THSD4: variants seen among roughly 807,000 people sequenced by gnomAD.
THSD4 encodes thrombospondin type 1 domain containing 4.
A neutral mutation model predicts 119.0 loss-of-function variants in THSD4; 69 were observed. The observed-to-expected ratio is 0.58, with a 90% CI of 0.48 to 0.71. The LOEUF is 0.71. Among genes scored for constraint, THSD4 ranks in the 30% least tolerant of loss-of-function variants. The pLI, the probability that THSD4 is intolerant of heterozygous loss-of-function variation, is 0.00. For synonymous variants in THSD4, 524 were observed against 540.4 expected, an observed-to-expected ratio of 0.97 and a Z score of 0.42; for missense variants, 1,393 against 1,391.1, an observed-to-expected ratio of 1.00 and a Z score of -0.02.
In THSD4 at chr15:71,303,982, G is replaced by A. The variant is rs1018580402; in HGVS notation, c.1015+47267G>A. On this transcript the variant is annotated intron_variant, in intron 6 of 17. Coordinates refer to ENST00000261862, the MANE Select transcript of THSD4 (RefSeq NM_024817.3). ...GGTCCACTCTGGCTATGACCTTCAG[G>A]ATCAGAGGGCAAGAAGTCGAGAAGG... Among the ~76,000 whole-genome samples, 15 of 152,260 alleles carry A rather than the reference G, an allele frequency of 9.9e-5. No homozygotes were observed. The East Asian group carries it at 2.9e-3, about 29-fold the overall frequency.
chr15:71,532,766 T>C (rs1030445951), intron 7 of THSD4, among the ~76,000 whole-genome samples: 3 of 152,228 alleles, frequency 2.0e-5, no homozygotes, highest in African/African-American at 7.2e-5. Context: ...TTTCAGAAAG[T>C]AATAATCATC....
chr15:71,175,004 G>A (rs1179860927), intron 3 of THSD4, among the ~76,000 whole-genome samples: 6 of 147,350 alleles, frequency 4.1e-5, no homozygotes, highest in Non-Finnish European at 9.0e-5. Context: ...CATCATCAAA[G>A]ACAAAAAGTA....
At chr15:71,249,790 C>A (rs1443428686) in intron 5 of THSD4, among the ~76,000 whole-genome samples, 3 of 152,124 alleles carry the variant, frequency 2.0e-5, no homozygotes, top group Non-Finnish European at 4.4e-5. Flanking sequence ...TTCATTCTCT[C>A]TATAACTCTA....
chr15:71,379,326 G>T (rs2046194526), intron 6 of THSD4, among the ~76,000 whole-genome samples: 1 of 151,700 alleles, frequency 6.6e-6, no homozygotes, highest in South Asian at 2.1e-4. Flanking sequence ...TTTTCTTATA[G>T]TCAGCTGTTG....
chr15:71,521,775 A>G (rs1182313951), intron 7 of THSD4, among the ~76,000 whole-genome samples: 1 of 152,156 alleles, frequency 6.6e-6, no homozygotes, highest in Non-Finnish European at 1.5e-5. Flanking sequence ...CTCCTTGGAG[A>G]AAAAAGTTAC....
intron 8 of THSD4, among the ~76,000 whole-genome samples, chr15:71,672,306 G>A (rs575747238): frequency 1.0e-3 from 153 of 152,222 alleles, no homozygotes; most frequent in African/African-American, 3.3e-3. Flanking sequence ...CTGGTGTATA[G>A]GAATGCTTGT....
At chr15:71,509,008 C>A (rs28451820) in intron 7 of THSD4, among the ~76,000 whole-genome samples, 4,038 of 149,560 alleles carry the variant, frequency 0.027, 180 homozygotes, top group African/African-American at 0.094. Context: ...CTTTGGATAC[C>A]GAGTTGTAGG....
At chr15:71,126,567 A>G (rs1430210939) in intron 1 of THSD4, among the ~76,000 whole-genome samples, 1 of 152,214 alleles carries the variant, frequency 6.6e-6, no homozygotes, top group Non-Finnish European at 1.5e-5. Flanking sequence ...CACTCATCAC[A>G]CTGAGAACCA....
At chr15:71,384,844 G>A (rs2046275904) in intron 6 of THSD4, among the ~76,000 whole-genome samples, 1 of 152,172 alleles carries the variant, frequency 6.6e-6, no homozygotes, top group African/African-American at 2.4e-5. Context: ...ACAAGAAAGT[G>A]GAGTACTCAA....
chr15:71,479,252 A>C (rs541428849), intron 7 of THSD4, among the ~76,000 whole-genome samples: 1 of 136,672 alleles, frequency 7.3e-6, no homozygotes, highest in African/African-American at 2.8e-5. Flanking sequence ...CTAGATGGAC[A>C]TATTTTGCAC....
At chr15:71,294,330 A>T (rs191968189) in intron 6 of THSD4, among the ~76,000 whole-genome samples, 4 of 152,132 alleles carry the variant, frequency 2.6e-5, no homozygotes, top group Non-Finnish European at 4.4e-5. Context: ...CAGGTCCCTC[A>T]AAGAAGTCAG....
chr15:71,231,164 G>A (rs1392583130), intron 4 of THSD4, among the ~76,000 whole-genome samples: 1 of 152,206 alleles, frequency 6.6e-6, no homozygotes, highest in African/African-American at 2.4e-5. Context: ...TGTTCTTAGG[G>A]AAACTTGGCT....
chr15:71,341,467 C>T (rs1457018332), intron 6 of THSD4: 2 of 1,613,302 alleles, frequency 1.2e-6, no homozygotes, highest in Middle Eastern at 1.8e-4. Context: ...TTTTGGGCCA[C>T]CGACCTTGTG....
chr15:71,245,042 C>T (rs2044188285), intron 5 of THSD4, among the ~76,000 whole-genome samples: 1 of 152,182 alleles, frequency 6.6e-6, no homozygotes, highest in Non-Finnish European at 1.5e-5. Context: ...GAAGCTGTGG[C>T]TTCCCTGAGT....
intron 8 of THSD4, among the ~76,000 whole-genome samples, chr15:71,690,956 A>T (rs527504905): frequency 6.6e-6 from 1 of 152,320 alleles, no homozygotes; most frequent in South Asian, 2.1e-4. Context: ...AATGTTACAG[A>T]TGGAATTAAG....
chr15:71,782,903 A>G lies in THSD4; in HGVS notation c.*5529A>G, dbSNP rs2054019243. ...CTCTTTGCTTTGTCCCCGTTGTTAG[A>G]CTGGCAGCGTCAGTTGCTCGGTGGG... On this transcript the variant is annotated 3_prime_UTR_variant, in exon 18 of 18. Transcript: ENST00000261862. 1 of 152,040 alleles carries G rather than the reference A, an allele frequency of 6.6e-6. No homozygotes were observed. Among genetic ancestry groups the G allele is most frequent in the African/African-American group, 2.4e-5 (1 of 41,358 alleles). 9.4% of individuals were successfully genotyped at this position (152,040 alleles called of 1,614,324 possible).
At chr15:71,444,008 G>A (rs937097827) in intron 7 of THSD4, among the ~76,000 whole-genome samples, 1 of 152,180 alleles carries the variant, frequency 6.6e-6, no homozygotes, top group African/African-American at 2.4e-5. Context: ...GGCTGAGGTG[G>A]TCCTTTCTGA....
In THSD4 at chr15:71,735,320, G is replaced by A. The variant is rs533067907; in HGVS notation, c.1631-2412G>A. Among the ~76,000 whole-genome samples the A allele has an allele frequency of 8.5e-5, 13 of 152,222 alleles. No homozygotes were observed. The East Asian group carries it at 1.7e-3, about 20-fold the overall frequency. ...GGCTGGCAGCCAGGCCCCCTCTCCC[G>A]CTGCAGGGGTGGCTTCCTCCTGGGA... On this transcript the variant is annotated intron_variant, in intron 10 of 17. Transcript: ENST00000261862.
intron 6 of THSD4, among the ~76,000 whole-genome samples, chr15:71,363,834 G>A (rs74021966): frequency 0.042 from 6,466 of 152,248 alleles, 163 homozygotes; most frequent in African/African-American, 0.073. Context: ...AGTTTATAGA[G>A]TTGTAAAGTA....
Sources: gnomAD v4.1 joint callset for allele counts (sites outside exome capture counted in the v4.1 genomes callset) on GRCh38, gnomAD v4.1.1 for gene constraint, MANE v1.5 for transcripts, NCBI Gene and HGNC (gene_info 2026-07-23, HGNC 2026-07-21) for gene names.